Variants in NRXN3 observed in about 807,000 individuals in gnomAD.
NRXN3 encodes neurexin III.
Under a neutral mutation model 137.6 loss-of-function variants are expected in NRXN3, and 32 were observed. The ratio of observed to expected loss-of-function variants is 0.23; its 90% CI spans 0.18 to 0.31. NRXN3 has a LOEUF of 0.31. Ranked by LOEUF, NRXN3 falls within the 10% of genes least tolerant of loss-of-function variation. The probability of loss-of-function intolerance (pLI) is 1.00; values close to 1 mark genes in which losing one functional copy is unlikely to be tolerated. For missense variants in NRXN3, 1,574 were observed against 2,062.5 expected (o/e 0.76, Z 4.59); for synonymous variants, 798 against 784.5 (o/e 1.02, Z -0.29).
At chr14:78,866,027 A>T (rs1184370124) in intron 10 of NRXN3, among the ~76,000 whole-genome samples, 1 of 152,210 alleles carries the variant, frequency 6.6e-6, no homozygotes, top group African/African-American at 2.4e-5. Flanking sequence ...CACCAGGTTC[A>T]TAACTAAGTT....
At chr14:79,405,148 A>T (rs1219159492) in intron 15 of NRXN3, among the ~76,000 whole-genome samples, 3 of 152,162 alleles carry the variant, frequency 2.0e-5, no homozygotes, top group Admixed American at 6.5e-5. Context: ...GCTAGGATTT[A>T]TGGCACATTA....
At position 79,030,343 on chromosome 14, in the gene NRXN3, CTG is replaced by C. The variant is rs58005689; in HGVS notation, c.3262+42204_3262+42205del. Among the ~76,000 whole-genome samples the C allele has an allele frequency of 6.4e-3, 972 of 152,134 alleles. 9 individuals are homozygous for C. Among genetic ancestry groups the C allele is most frequent in the African/African-American group, 0.022 (908 of 41,526 alleles). On this transcript the variant is annotated intron_variant, in intron 15 of 20. Transcript: ENST00000335750. ...TTGAGAATCACTTCTTCAGGATAGA[CTG>C]TTGTTAAACCATTGATTCAGATTCC...
rs1305077404 is a variant in NRXN3 at position 79,865,141 on chromosome 14, A to T, written c.*3177A>T. 2 of 152,230 alleles carry T rather than the reference A, an allele frequency of 1.3e-5. No individual in the cohort carries two copies. The highest frequency in any genetic ancestry group is 4.8e-5 in the African/African-American group (2 of 41,448). 9.4% of individuals were successfully genotyped at this position (152,230 alleles called of 1,614,324 possible). On this transcript the variant is annotated 3_prime_UTR_variant, in exon 21 of 21. Transcript: ENST00000335750. ...AAACAGTATTTAAAACTATGTTCACATAGTGCCATAAGCACTAGAAAGTCT... is the reference window on the plus strand; with the variant it reads ...AAACAGTATTTAAAACTATGTTCACTTAGTGCCATAAGCACTAGAAAGTCT...
At chr14:78,784,150 A>G (rs1595834721) in intron 8 of NRXN3, among the ~76,000 whole-genome samples, 1 of 152,190 alleles carries the variant, frequency 6.6e-6, no homozygotes, top group Middle Eastern at 3.4e-3. Flanking sequence ...GATGTGATAG[A>G]ATATGCTCAG....
rs60118334 is a variant in NRXN3 at position 78,837,381 on chromosome 14, G to A, written c.2275+27037G>A. Among the ~76,000 whole-genome samples the A allele has an allele frequency of 0.013, 1,924 of 152,170 alleles. 213 individuals are homozygous for A. In the East Asian group the frequency reaches 0.26, roughly 20 times the overall value. ...GGGATTTAATGTTGGATCCAACTGT[G>A]AATAGTGGCCACTTTGGGCCTGGTG... is the stretch of plus-strand genomic sequence containing the variant. On this transcript the variant is annotated intron_variant, in intron 10 of 20. Transcript: ENST00000335750.
chr14:78,818,299 G>A (rs1360690877), intron 10 of NRXN3, among the ~76,000 whole-genome samples: 1 of 151,986 alleles, frequency 6.6e-6, no homozygotes, highest in Non-Finnish European at 1.5e-5. Context: ...AAGCTACCTT[G>A]GATATAGTAT....
At chr14:78,240,190 T>C (rs2066899774) in intron 1 of NRXN3, among the ~76,000 whole-genome samples, 1 of 152,220 alleles carries the variant, frequency 6.6e-6, no homozygotes, top group Admixed American at 6.5e-5. Flanking sequence ...TACTCCTGTG[T>C]CCATGTCTCA....
chr14:79,078,122 C>T (rs1337105597), intron 15 of NRXN3, among the ~76,000 whole-genome samples: 1 of 152,096 alleles, frequency 6.6e-6, no homozygotes, highest in Non-Finnish European at 1.5e-5. Context: ...CAGAATGACA[C>T]TTGAAAGATG....
At chr14:79,575,314 A>G (rs1429597069) in intron 16 of NRXN3, among the ~76,000 whole-genome samples, 1 of 152,298 alleles carries the variant, frequency 6.6e-6, no homozygotes, top group East Asian at 1.9e-4. Flanking sequence ...AGAATTCAGT[A>G]GAAGACGGAA....
intron 4 of NRXN3, among the ~76,000 whole-genome samples, chr14:78,363,627 G>A (rs983610476): frequency 6.6e-6 from 1 of 152,150 alleles, no homozygotes; most frequent in African/African-American, 2.4e-5. Flanking sequence ...CTCCACTCAG[G>A]TCTTTCCTAT....
chr14:78,778,787 TC>T (rs2098756910), intron 8 of NRXN3, among the ~76,000 whole-genome samples: 2 of 139,892 alleles, frequency 1.4e-5, no homozygotes, highest in African/African-American at 5.6e-5. Flanking sequence ...TTTCTTTCTT[TC>T]TTTCTTTCTT....
At chr14:79,478,292 A>T (rs1278942815) in intron 16 of NRXN3, among the ~76,000 whole-genome samples, 1 of 151,802 alleles carries the variant, frequency 6.6e-6, no homozygotes, top group African/African-American at 2.4e-5. Flanking sequence ...GGTAGGGGAT[A>T]ACCTAGATAG....
chr14:79,817,150 T>C (rs2099254116), intron 20 of NRXN3, among the ~76,000 whole-genome samples: 2 of 152,144 alleles, frequency 1.3e-5, no homozygotes, highest in Non-Finnish European at 2.9e-5. Context: ...CCTCCCGGAT[T>C]CAAGCAATTC....
At chr14:78,298,321 C>T (rs999435407) in intron 4 of NRXN3, among the ~76,000 whole-genome samples, 19 of 152,192 alleles carry the variant, frequency 1.2e-4, no homozygotes, top group Non-Finnish European at 8.8e-5. Context: ...TTACACTGCC[C>T]GTAATGATCT....
chr14:79,773,092 C>G (rs2099084442), intron 19 of NRXN3, among the ~76,000 whole-genome samples: 1 of 152,140 alleles, frequency 6.6e-6, no homozygotes. Context: ...CATCTCATAC[C>G]AGTTAGAATG....
intron 19 of NRXN3, among the ~76,000 whole-genome samples, chr14:79,803,231 C>G (rs764233913): frequency 6.6e-6 from 1 of 151,878 alleles, no homozygotes; most frequent in Non-Finnish European, 1.5e-5. Context: ...AATTCCATAC[C>G]TAGGATGTCT....
intron 15 of NRXN3, among the ~76,000 whole-genome samples, chr14:79,439,906 C>A (rs2153567090): frequency 6.6e-6 from 1 of 152,052 alleles, no homozygotes; most frequent in East Asian, 1.9e-4. Context: ...TTTCCAAGTC[C>A]ATCCTGTTTT....
intron 10 of NRXN3, among the ~76,000 whole-genome samples, chr14:78,882,266 C>G (rs1270685018): frequency 6.6e-6 from 1 of 151,738 alleles, no homozygotes; most frequent in African/African-American, 2.4e-5. Context: ...CACGGAGTCC[C>G]TACTGGGGTA....
intron 16 of NRXN3, among the ~76,000 whole-genome samples, chr14:79,560,618 C>G (rs1313631064): frequency 6.9e-6 from 1 of 143,914 alleles, no homozygotes; most frequent in Non-Finnish European, 1.5e-5. Flanking sequence ...TGAAGCCATT[C>G]CCCTCCCTCA....
Sources: allele counts gnomAD v4.1 joint callset (sites outside exome capture counted in the v4.1 genomes callset), GRCh38; gene constraint gnomAD v4.1.1; transcripts MANE v1.5; gene names NCBI Gene and HGNC (gene_info 2026-07-23, HGNC 2026-07-21).